The following KBTBD12 variants were observed in gnomAD, a reference collection of about 807,000 sequenced individuals.
KBTBD12 encodes the protein kelch repeat and BTB domain containing 12.
Under a neutral mutation model 58.7 loss-of-function variants are expected in KBTBD12, and 53 were observed. The ratio of observed to expected loss-of-function variants is 0.90; its 90% confidence interval spans 0.72 to 1.14. The LOEUF (loss-of-function observed/expected upper bound fraction) is 1.14. Ranked by LOEUF, KBTBD12 falls within the 50% of genes most tolerant of loss-of-function variation. The probability of loss-of-function intolerance (pLI) is 0.00; values close to 1 mark genes in which losing one functional copy is unlikely to be tolerated. For synonymous variants in KBTBD12, 236 were observed against 259.8 expected, an observed-to-expected ratio of 0.91 and a Z score of 0.88; for missense variants, 704 against 751.3, an observed-to-expected ratio of 0.94 and a Z score of 0.74.
chr3:127,960,478 C>T (rs141637961), intron 4 of KBTBD12, among the ~76,000 whole-genome samples: 2 of 152,262 alleles, frequency 1.3e-5, no homozygotes, highest in African/African-American at 4.8e-5. Flanking sequence ...CTCAGAGGTT[C>T]GTATAAATTA....
At chr3:127,948,638 C>A (rs1442759879) in intron 4 of KBTBD12, among the ~76,000 whole-genome samples, 2 of 152,150 alleles carry the variant, frequency 1.3e-5, no homozygotes, top group Admixed American at 1.3e-4. Flanking sequence ...TTTCAAAGTA[C>A]AGATGGCCCT....
At chr3:127,980,085 TA>T (rs987782788) in intron 5 of KBTBD12, among the ~76,000 whole-genome samples, 18 of 152,122 alleles carry the variant, frequency 1.2e-4, no homozygotes, top group Admixed American at 1.2e-3. Flanking sequence ...AGAAATCTTC[TA>T]AAAAGAGGTA....
intron 4 of KBTBD12, among the ~76,000 whole-genome samples, chr3:127,945,479 C>G (rs927446603): frequency 6.6e-6 from 1 of 150,796 alleles, no homozygotes; most frequent in Non-Finnish European, 1.5e-5. Flanking sequence ...CCACCGCGCC[C>G]GGCCAAATAG....
chr3:127,972,585 G>A (rs1940705016), intron 5 of KBTBD12, among the ~76,000 whole-genome samples: 1 of 152,208 alleles, frequency 6.6e-6, no homozygotes, highest in Non-Finnish European at 1.5e-5. Context: ...ATTGTTGGAT[G>A]ATGGACTCAG....
intron 4 of KBTBD12, among the ~76,000 whole-genome samples, chr3:127,958,370 T>C (rs548100885): frequency 5.9e-5 from 9 of 152,278 alleles, no homozygotes; most frequent in Admixed American, 2.0e-4. Context: ...CTCCACTCTG[T>C]GCTCTCCCCT....
At chr3:127,974,077 C>G (rs1940733467) in intron 5 of KBTBD12, among the ~76,000 whole-genome samples, 1 of 152,110 alleles carries the variant, frequency 6.6e-6, no homozygotes, top group Non-Finnish European at 1.5e-5. Flanking sequence ...ATATAAAAAA[C>G]ATTTCTATTT....
At chr3:127,963,075 AAG>A (rs1198525711) in intron 4 of KBTBD12, 112 bp from the exon 5 acceptor site, 29 of 917,094 alleles carry the variant, frequency 3.2e-5, no homozygotes, top group Non-Finnish European at 4.4e-5. Flanking sequence ...CCTGGCAAGA[AAG>A]AGAAAAGTTA....
chr3:127,938,926 A>G (rs908844997), intron 4 of KBTBD12, among the ~76,000 whole-genome samples: 2 of 152,150 alleles, frequency 1.3e-5, no homozygotes, highest in Admixed American at 6.5e-5. Flanking sequence ...CCAGAATTTT[A>G]AGTACCACTA....
At position 127,922,280 on chromosome 3, in the gene KBTBD12, G is replaced by T. The variant is rs1939429611; in HGVS notation, c.-112-670G>T. On this transcript the variant is annotated intron_variant, in intron 1 of 5. Coordinates refer to ENST00000405109, the MANE Select transcript of KBTBD12 (RefSeq NM_207335.4). ...AGGACAGAGAAATCATATAGTTTTAGGCATTTTCTAAGTTTAGGGTAATTT... is the reference window on the plus strand; with the variant it reads ...AGGACAGAGAAATCATATAGTTTTATGCATTTTCTAAGTTTAGGGTAATTT... Among the ~76,000 whole-genome samples, 3 of 152,078 alleles carry T rather than the reference G, an allele frequency of 2.0e-5. No homozygotes were observed. In the South Asian group the frequency reaches 6.2e-4, roughly 31 times the overall value.
At chr3:127,949,215 G>T (rs1940152575) in intron 4 of KBTBD12, among the ~76,000 whole-genome samples, 1 of 152,154 alleles carries the variant, frequency 6.6e-6, no homozygotes, top group African/African-American at 2.4e-5. Flanking sequence ...AGAAGTTGGG[G>T]TTTGCCCAAC....
intron 2 of KBTBD12, 105 bp from the exon 3 acceptor site, chr3:127,927,659 G>A (rs763808546): frequency 2.4e-6 from 2 of 843,030 alleles, no homozygotes; most frequent in Non-Finnish European, 3.5e-6. Flanking sequence ...CCAATTGGAA[G>A]AACCATATCT....
chr3:127,931,083 A>G (rs899979240), intron 4 of KBTBD12, among the ~76,000 whole-genome samples: 2 of 152,176 alleles, frequency 1.3e-5, no homozygotes, highest in African/African-American at 2.4e-5. Flanking sequence ...ATTTCATCCA[A>G]TCTGCATTGA....
At chr3:127,951,455 C>G (rs1241024483) in intron 4 of KBTBD12, among the ~76,000 whole-genome samples, 1 of 152,190 alleles carries the variant, frequency 6.6e-6, no homozygotes, top group Non-Finnish European at 1.5e-5. Flanking sequence ...TAGAAGAGGA[C>G]TCAGTGGAGT....
At chr3:127,922,733 CT>C (rs1340363329) in intron 1 of KBTBD12, among the ~76,000 whole-genome samples, 1 of 152,158 alleles carries the variant, frequency 6.6e-6, no homozygotes, top group African/African-American at 2.4e-5. Flanking sequence ...CTAGAAAAAT[CT>C]CTGCCACTGA....
intron 4 of KBTBD12, among the ~76,000 whole-genome samples, chr3:127,933,297 A>G (rs1939748565): frequency 2.6e-5 from 4 of 152,106 alleles, no homozygotes. Context: ...ATACTGCTAG[A>G]GTGGGGCTGG....
chr3:127,937,988 C>T (rs927265550), intron 4 of KBTBD12, among the ~76,000 whole-genome samples: 5 of 152,140 alleles, frequency 3.3e-5, no homozygotes, highest in Non-Finnish European at 7.4e-5. Flanking sequence ...GAAATAAAGA[C>T]ATTTTCAGAT....
At chr3:127,947,107 TTC>T (rs1475988871) in intron 4 of KBTBD12, among the ~76,000 whole-genome samples, 1 of 152,242 alleles carries the variant, frequency 6.6e-6, no homozygotes, top group Non-Finnish European at 1.5e-5. Context: ...ACAAGTCTGC[TTC>T]TGTTATGTTT....
chr3:127,978,934 A>C (rs1940830983), intron 5 of KBTBD12, among the ~76,000 whole-genome samples: 1 of 152,216 alleles, frequency 6.6e-6, no homozygotes. Flanking sequence ...GAGGGAGCTC[A>C]AGAAAGTGAT....
intron 4 of KBTBD12, among the ~76,000 whole-genome samples, chr3:127,940,237 A>T (rs1416060519): frequency 6.6e-6 from 1 of 152,174 alleles, no homozygotes; most frequent in African/African-American, 2.4e-5. Flanking sequence ...ATATAGAAAG[A>T]GCTCAATAAC....
Sources: allele counts gnomAD v4.1 joint callset (sites outside exome capture counted in the v4.1 genomes callset), GRCh38; gene constraint gnomAD v4.1.1; transcripts MANE v1.5; gene names NCBI Gene and HGNC (gene_info 2026-07-23, HGNC 2026-07-21).